The following SGPL1 variants were observed in gnomAD, a reference collection of about 807,000 sequenced individuals.
SGPL1 encodes sphingosine-1-phosphate lyase 1.
A neutral mutation model predicts 68.9 loss-of-function variants in SGPL1; 37 were observed. The observed-to-expected ratio is 0.54, with a 90% CI of 0.41 to 0.71. The LOEUF (loss-of-function observed/expected upper bound fraction) is 0.71, where lower values mean the gene tolerates loss of function less well. SGPL1 is among the 30% of genes least tolerant of loss of function. The probability of loss-of-function intolerance (pLI) is 0.00; values close to 1 mark genes in which losing one functional copy is unlikely to be tolerated. For missense variants in SGPL1, 551 were observed against 704.6 expected, an observed-to-expected ratio of 0.78 and a Z score of 2.47; for synonymous variants, 236 against 248.5, an observed-to-expected ratio of 0.95 and a Z score of 0.47.
At chr10:70,857,363 A>G in intron 5 of SGPL1, 2 of 399,816 alleles carry the variant, frequency 5.0e-6, no homozygotes, top group Non-Finnish European at 9.4e-6. Flanking sequence ...TTATTATCAG[A>G]TTGCCTTTAT....
At chr10:70,867,979 T>C (rs570920023) in intron 7 of SGPL1, among the ~76,000 whole-genome samples, 1 of 152,356 alleles carries the variant, frequency 6.6e-6, no homozygotes, top group South Asian at 2.1e-4. Flanking sequence ...TTAACAGGTA[T>C]TGAAAATTTA....
At chr10:70,858,779 G>T (rs536858887) in intron 6 of SGPL1, among the ~76,000 whole-genome samples, 2 of 151,908 alleles carry the variant, frequency 1.3e-5, no homozygotes, top group Non-Finnish European at 2.9e-5. Context: ...ATGCTTTTAC[G>T]TTGTTTTCCT....
chr10:70,822,265 C>G (rs779241507), intron 2 of SGPL1, among the ~76,000 whole-genome samples: 9 of 152,158 alleles, frequency 5.9e-5, no homozygotes, highest in Non-Finnish European at 1.3e-4. Context: ...AGGATGAACA[C>G]TGTATTTGGC....
chr10:70,858,192 G>T (rs1277282574), intron 6 of SGPL1, among the ~76,000 whole-genome samples: 1 of 152,132 alleles, frequency 6.6e-6, no homozygotes, highest in East Asian at 1.9e-4. Context: ...CTGGAGTGGA[G>T]TGGTGTAATC....
chr10:70,842,114 T>A (rs1412881171), intron 2 of SGPL1, among the ~76,000 whole-genome samples: 1 of 152,058 alleles, frequency 6.6e-6, no homozygotes. Flanking sequence ...TTCTTCTTAA[T>A]GTTTCATGGT....
In SGPL1 at chr10:70,854,585, A is replaced by G. The variant is rs978664720; in HGVS notation, c.262-123A>G. On this transcript the variant is annotated intron_variant, in intron 4 of 14. Transcript: ENST00000373202. ...AGAATATCACCATATATCTTTAGGAAAAATGTTAGTTTAGTTACTTGTGCG... is the reference window on the plus strand; with the variant it reads ...AGAATATCACCATATATCTTTAGGAGAAATGTTAGTTTAGTTACTTGTGCG... The G allele has an allele frequency of 7.8e-6, 6 of 772,798 alleles. No individual in the cohort carries two copies. The African/African-American group carries it at 1.0e-4, about 13-fold the overall frequency. 47.9% of individuals were successfully genotyped at this position (772,798 alleles called of 1,614,324 possible).
At chr10:70,835,735 C>CAAAAAAAAAAAAAAAAAAAAAAAAAA (rs66962270) in intron 2 of SGPL1, among the ~76,000 whole-genome samples, 2 of 70,156 alleles carry the variant, frequency 2.9e-5, no homozygotes, top group African/African-American at 1.2e-4. Flanking sequence ...GACTCCGTCT[C>CAAAAAAAAAAAAAAAAAAAAAAAAAA]AAAAAAAAAA....
At chr10:70,845,357 A>G (rs1228213165) in intron 3 of SGPL1, among the ~76,000 whole-genome samples, 2 of 152,150 alleles carry the variant, frequency 1.3e-5, no homozygotes, top group East Asian at 3.9e-4. Flanking sequence ...CAGCACTTAC[A>G]TGGTGACCAT....
chr10:70,871,521 AGGACCT>A (rs1846295612), intron 10 of SGPL1, among the ~76,000 whole-genome samples: 1 of 152,214 alleles, frequency 6.6e-6, no homozygotes, highest in African/African-American at 2.4e-5. Flanking sequence ...TGACTGAGGC[AGGACCT>A]TTCCCTTGTG....
intron 2 of SGPL1, among the ~76,000 whole-genome samples, chr10:70,843,340 G>C (rs1845745784): frequency 6.6e-6 from 1 of 152,148 alleles, no homozygotes; most frequent in Non-Finnish European, 1.5e-5. Flanking sequence ...ACTATGATAT[G>C]TACCTGAACA....
At chr10:70,862,918 A>T (rs1160001377) in intron 7 of SGPL1, among the ~76,000 whole-genome samples, 2 of 152,336 alleles carry the variant, frequency 1.3e-5, no homozygotes, top group South Asian at 4.2e-4. Context: ...GTAGAAGCCC[A>T]TTGGGCTTTT....
chr10:70,863,141 C>T (rs545059332), intron 7 of SGPL1, among the ~76,000 whole-genome samples: 8 of 152,054 alleles, frequency 5.3e-5, no homozygotes, highest in Admixed American at 3.9e-4. Flanking sequence ...CATGCACCAC[C>T]ATGCCTCGCT....
chr10:70,862,518 A>G (rs544076332), intron 7 of SGPL1, among the ~76,000 whole-genome samples: 131 of 152,190 alleles, frequency 8.6e-4, no homozygotes, highest in Non-Finnish European at 1.6e-3. Flanking sequence ...CCCCTTCCAC[A>G]CTGTGGAAGC....
chr10:70,820,699 C>G (rs1845322424), intron 2 of SGPL1, among the ~76,000 whole-genome samples: 1 of 151,696 alleles, frequency 6.6e-6, no homozygotes, highest in Admixed American at 6.6e-5. Flanking sequence ...TGCTTGAACC[C>G]GGGAGGTGGA....
intron 12 of SGPL1, 50 bp from the exon 13 acceptor site, chr10:70,875,352 T>C (rs1308822317): frequency 7.6e-6 from 9 of 1,190,066 alleles, no homozygotes; most frequent in Non-Finnish European, 1.1e-5. Flanking sequence ...CAGGGGATTG[T>C]ATGTGACTGA....
In SGPL1 at chr10:70,878,984, T is replaced by C. The variant is rs1846449471; in HGVS notation, c.*1649T>C. On this transcript the variant is annotated 3_prime_UTR_variant, in exon 15 of 15. Transcript: ENST00000373202. ...CCTATTTCCTGCCTTCTTTCCCCTA[T>C]AGGGAACTCTGTAGGCTGAGCCACT... 6.5e-6 allele frequency: 1 copy of C among 152,726 alleles called. No individual in the cohort carries two copies. The highest frequency in any genetic ancestry group is 2.4e-5 in the African/African-American group (1 of 41,452). The allele number at this position is 152,726 out of a possible 1,614,324, so 9.5% of individuals were successfully genotyped here. A position where few individuals can be genotyped will look rare whatever the true frequency, so the allele number is the denominator to read the frequency against.
At chr10:70,847,170 C>CGGAGTCTCACTCTGTCACCCAGGCT (rs1845804502) in intron 3 of SGPL1, among the ~76,000 whole-genome samples, 1 of 151,660 alleles carries the variant, frequency 6.6e-6, no homozygotes, top group East Asian at 1.9e-4. Flanking sequence ...GTTTTTGAGA[C>CGGAGTCTCACTCTGTCACCCAGGCT]GGAGTCTCAC....
At chr10:70,843,134 T>C (rs12763964) in intron 2 of SGPL1, among the ~76,000 whole-genome samples, 29,848 of 152,214 alleles carry the variant, frequency 0.2, 3,165 homozygotes, top group Non-Finnish European at 0.23. Flanking sequence ...TTTTGCCCTC[T>C]GTCATTATCT....
rs1329566322 is a variant in SGPL1 at position 70,881,073 on chromosome 10, C to T, written c.*3738C>T. ...TTTGAAGTTTTAATTACCTTATTTT[C>T]TTTTATGCTTTCCTCTGTCTTGTAA... On this transcript the variant is annotated 3_prime_UTR_variant, in exon 15 of 15. Coordinates refer to ENST00000373202, the MANE Select transcript of SGPL1 (RefSeq NM_003901.4). 2 of 152,128 alleles carry T rather than the reference C, an allele frequency of 1.3e-5. No homozygotes were observed. Among genetic ancestry groups the T allele is most frequent in the African/African-American group, 4.8e-5 (2 of 41,492 alleles). The allele number at this position is 152,128 out of a possible 1,614,324, so 9.4% of individuals were successfully genotyped here. A position where few individuals can be genotyped will look rare whatever the true frequency, so the allele number is the denominator to read the frequency against.
Sources: allele counts gnomAD v4.1 joint callset (sites outside exome capture counted in the v4.1 genomes callset), GRCh38; gene constraint gnomAD v4.1.1; transcripts MANE v1.5; gene names NCBI Gene and HGNC (gene_info 2026-07-23, HGNC 2026-07-21).